The following SGF29 variants were observed in gnomAD, a reference collection of about 807,000 sequenced individuals.
The protein encoded by SGF29 is SAGA-associated factor 29.
A neutral mutation model predicts 38.1 loss-of-function variants in SGF29; 15 were observed. The ratio of observed to expected loss-of-function variants is 0.39; its 90% confidence interval spans 0.26 to 0.61. The LOEUF (loss-of-function observed/expected upper bound fraction) is 0.61. Ranked by LOEUF, SGF29 falls within the 20% of genes least tolerant of loss-of-function variation. The pLI is 0.49. For missense variants in SGF29, 184 were observed against 394.6 expected, an observed-to-expected ratio of 0.47 and a Z score of 4.52; for synonymous variants, 151 against 160.8, an observed-to-expected ratio of 0.94 and a Z score of 0.46.
rs2046826018 is a variant in SGF29 at position 28,564,777 on chromosome 16, A to ATGTATATATATG, written c.-16+10681_-16+10682insGTATATATATGT. Among the ~76,000 whole-genome samples the ATGTATATATATG allele has an allele frequency of 2.0e-4, 17 of 87,020 alleles. 1 individual carries two copies. The South Asian group carries it at 4.7e-3, about 24-fold the overall frequency. The allele number at this position is 87,020 out of a possible 152,430, so 57.1% of individuals were successfully genotyped here. A position where few individuals can be genotyped will look rare whatever the true frequency, so the allele number is the denominator to read the frequency against. On this transcript the variant is annotated intron_variant, in intron 1 of 9. Transcript: ENST00000317058. ...TATGTATATATGTATATATATGTATATATATATATACACACACACACACAC... is the reference window on the plus strand; with the variant it reads ...TATGTATATATGTATATATATGTATATGTATATATATGTATATATATACACACACACACACAC...
In SGF29 at chr16:28,590,518, G is replaced by C. The variant is rs1299787628; in HGVS notation, c.566+76G>C. ...GCTACGGGAGAAAAGCTCTGCAGAG[G>C]GTGCTCCCCAGAGGCTGGTTGTGCA... On this transcript the variant is annotated intron_variant, in intron 7 of 9. Coordinates refer to ENST00000317058, the MANE Select transcript of SGF29 (RefSeq NM_138414.3). This position sits in a 1 kb window ranked among gnomAD's most constrained non-coding sequence, Gnocchi z 8.2. 2 of 1,612,856 alleles carry C rather than the reference G, an allele frequency of 1.2e-6. No individual in the cohort carries two copies.
chr16:28,556,113 G>A (rs914192229), intron 1 of SGF29, among the ~76,000 whole-genome samples: 1 of 151,966 alleles, frequency 6.6e-6, no homozygotes, highest in African/African-American at 2.4e-5. Context: ...AGGCATGAAG[G>A]AAAAAAATTG....
At chr16:28,572,588 C>T (rs534156319) in intron 1 of SGF29, among the ~76,000 whole-genome samples, 1 of 152,254 alleles carries the variant, frequency 6.6e-6, no homozygotes, top group African/African-American at 2.4e-5. Flanking sequence ...TTTCTAAAGG[C>T]GTGTTGCAGA....
chr16:28,581,169 C>T, intron 2 of SGF29, 25 bp downstream of exon 2: 1 of 1,605,774 alleles, frequency 6.2e-7, no homozygotes, highest in Non-Finnish European at 8.5e-7. Flanking sequence ...CCCTCCATTC[C>T]CAGATGGGAA....
chr16:28,564,727 A>G (rs866211887), intron 1 of SGF29, among the ~76,000 whole-genome samples: 8 of 40,480 alleles, frequency 2.0e-4, no homozygotes, highest in East Asian at 6.3e-4. Flanking sequence ...GTATATATAT[A>G]CATATATATG....
At chr16:28,572,763 G>C (rs1032458529) in intron 1 of SGF29, among the ~76,000 whole-genome samples, 2 of 152,158 alleles carry the variant, frequency 1.3e-5, no homozygotes, top group Admixed American at 1.3e-4. Flanking sequence ...AGGCCAGAAG[G>C]AATGTCAGCT....
At chr16:28,585,420 G>GT in intron 3 of SGF29, 1 of 592,040 alleles carries the variant, frequency 1.7e-6, no homozygotes, top group African/African-American at 1.9e-5. Context: ...TGGAGAAAAG[G>GT]TAAGACAGTA....
chr16:28,560,736 C>G (rs994186946), intron 1 of SGF29, among the ~76,000 whole-genome samples: 1 of 151,544 alleles, frequency 6.6e-6, no homozygotes, highest in Non-Finnish European at 1.5e-5. Context: ...CCAAGGCAGG[C>G]GGATCACGAG....
chr16:28,561,563 T>C (rs989919577), intron 1 of SGF29, among the ~76,000 whole-genome samples: 2 of 151,468 alleles, frequency 1.3e-5, no homozygotes, highest in Non-Finnish European at 2.9e-5. Context: ...ACACAAAAGG[T>C]GCAGGGGAAA....
Position 28,581,057 on chromosome 16 carries a change from G to C in SGF29, c.-13G>C. On this transcript the variant is annotated splice_region_variant and 5_prime_UTR_variant, in exon 2 of 10. Transcript: ENST00000317058. ...TTCTGTCCTCGCTCCCCCACCAGGTGCCCCTGTAGACAATGGCCCTCGTGT... is the reference window on the plus strand; with the variant it reads ...TTCTGTCCTCGCTCCCCCACCAGGTCCCCCTGTAGACAATGGCCCTCGTGT... 1 of 1,612,836 alleles carries C rather than the reference G, an allele frequency of 6.2e-7. No individual in the cohort carries two copies. Among genetic ancestry groups the C allele is most frequent in the Non-Finnish European group, 8.5e-7 (1 of 1,179,166 alleles).
chr16:28,585,324 C>G (rs932273336), intron 3 of SGF29: 2 of 530,546 alleles, frequency 3.8e-6, no homozygotes, highest in African/African-American at 1.9e-5. Flanking sequence ...GTGGTGAGAT[C>G]CTGGGGCTGG....
At chr16:28,583,648 T>C (rs1014146578) in intron 2 of SGF29, among the ~76,000 whole-genome samples, 7 of 152,228 alleles carry the variant, frequency 4.6e-5, no homozygotes, top group African/African-American at 1.7e-4. Flanking sequence ...ATGACTGATA[T>C]GGGAGGAATT....
intron 4 of SGF29, among the ~76,000 whole-genome samples, chr16:28,587,605 C>T (rs1663736634): frequency 1.3e-5 from 2 of 152,180 alleles, no homozygotes; most frequent in South Asian, 4.1e-4. Flanking sequence ...AGTCACATGC[C>T]CTGGGGCACC....
rs557657718 is a variant in SGF29, at chr16:28,584,951, C to T, written c.114C>T (p.Ile38=). 24 of 1,613,710 alleles carry T rather than the reference C, an allele frequency of 1.5e-5. No homozygotes were observed. In the African/African-American group the frequency reaches 2.4e-4, roughly 16 times the overall value. Residue 38 remains isoleucine (I), a synonymous_variant, in exon 3 of 10, where the codon ATC becomes ATT. Transcript: ENST00000317058. The part of the protein sequence containing the change: ...RSRSEHNLVN[I]QKTHERMQTE... ...GGAGCGAACACAACTTAGTGAACAT[C>T]CAGAAGACCCATGAGCGGATGCAGA...
intron 4 of SGF29, 128 bp downstream of exon 4, chr16:28,585,848 C>G (rs148012899): frequency 1.2e-6 from 1 of 846,852 alleles, no homozygotes; most frequent in Non-Finnish European, 2.0e-6. Flanking sequence ...CCCAGCCTCT[C>G]GCTTGGGTCC....
At chr16:28,564,521 G>A (rs896322767) in intron 1 of SGF29, among the ~76,000 whole-genome samples, 365 of 106,068 alleles carry the variant, frequency 3.4e-3, no homozygotes, top group South Asian at 9.6e-3. Flanking sequence ...ATATATATAT[G>A]TGTGTGTATA....
chr16:28,585,238 C>T (rs761381997), intron 3 of SGF29: 8 of 523,382 alleles, frequency 1.5e-5, no homozygotes, highest in Admixed American at 3.4e-5. Context: ...AGCACACAAG[C>T]GCCCCAGTTA....
At chr16:28,591,522 G>A (rs2046990904) in intron 9 of SGF29, 68 bp from the exon 10 acceptor site, 2 of 1,083,308 alleles carry the variant, frequency 1.8e-6, no homozygotes, top group East Asian at 4.7e-5. Flanking sequence ...GGTCTAGGCT[G>A]GGGGAAGGGG....
intron 4 of SGF29, 131 bp downstream of exon 4, chr16:28,585,851 T>C: frequency 1.2e-6 from 1 of 830,090 alleles, no homozygotes; most frequent in Non-Finnish European, 2.0e-6. Context: ...AGCCTCTCGC[T>C]TGGGTCCCGC....
Sources: gnomAD v4.1 joint callset for allele counts (sites outside exome capture counted in the v4.1 genomes callset) on GRCh38, gnomAD v4.1.1 for gene constraint, Gnocchi (gnomAD v3.1) non-coding constraint, MANE v1.5 for transcripts, NCBI Gene and HGNC (gene_info 2026-07-23, HGNC 2026-07-21) for gene names.